MECR: variants seen among roughly 807,000 people sequenced by gnomAD.
MECR encodes the protein enoyl-[acyl-carrier-protein] reductase, mitochondrial.
In MECR, 37 loss-of-function variants were observed where a neutral mutation model predicts 49.1. The observed-to-expected ratio is 0.75, with a 90% confidence interval of 0.58 to 0.99. MECR has a LOEUF of 0.99. Among genes scored for constraint, MECR ranks in the 50% least tolerant of loss-of-function variants. The pLI, the probability that MECR is intolerant of heterozygous loss-of-function variation, is 0.00. For synonymous variants in MECR, 198 were observed against 191.1 expected, an observed-to-expected ratio of 1.04 and a Z score of -0.30; for missense variants, 470 against 479.6, an observed-to-expected ratio of 0.98 and a Z score of 0.19.
chr1:29,213,525 C>T (rs1678559913), intron 3 of MECR, among the ~76,000 whole-genome samples: 2 of 152,242 alleles, frequency 1.3e-5, no homozygotes, highest in South Asian at 4.1e-4. Context: ...TCAGAGCAAC[C>T]GGAGTGGCCC....
At chr1:29,207,025 A>G in intron 3 of MECR, 120 bp from the exon 4 acceptor site, 1 of 1,021,114 alleles carries the variant, frequency 9.8e-7, no homozygotes, top group Non-Finnish European at 1.4e-6. Context: ...GGAAGCATCC[A>G]GGATAGCATC....
chr1:29,168,222 G>A, the MECR span, among the ~76,000 whole-genome samples: 72 of 144,716 alleles, frequency 5.0e-4, no homozygotes, highest in African/African-American at 1.8e-3. Context: ...GGAGAGACAG[G>A]GTTTCACCAT....
intron 1 of MECR, chr1:29,221,019 CAGATA>C (rs1680635904): frequency 2.2e-5 from 13 of 593,144 alleles, no homozygotes; most frequent in Non-Finnish European, 2.8e-5. Flanking sequence ...GTCGAAGTAT[CAGATA>C]CTGTGCCAAG....
chr1:29,200,760 T>C (rs1401081077), intron 6 of MECR, among the ~76,000 whole-genome samples, 171 bp from the exon 7 acceptor site: 3 of 152,158 alleles, frequency 2.0e-5, no homozygotes, highest in African/African-American at 7.2e-5. Context: ...ACTCACCTTT[T>C]TCTCTGCTTA....
chr1:29,216,169 T>C, intron 2 of MECR, 33 bp from the exon 3 acceptor site: 1 of 1,612,140 alleles, frequency 6.2e-7, no homozygotes, highest in Non-Finnish European at 8.5e-7. Context: ...GGTCAACCAG[T>C]GATGTTTGGG....
Position 29,193,774 on chromosome 1 carries a change from C to T in MECR, c.*248G>A, listed in dbSNP as rs1223922395. 1 of 477,062 alleles carries T rather than the reference C, an allele frequency of 2.1e-6. No individual in the cohort carries two copies. The highest frequency in any genetic ancestry group is 2.0e-5 in the African/African-American group (1 of 50,528). The allele number at this position is 477,062 out of a possible 1,614,324, so 29.6% of individuals were successfully genotyped here. ...GGGGCCTCTTGGTGCTGTGAGCTGA[C>T]CAGTGCACAGTGTTGGTCCTTCTCG... On this transcript the variant is annotated 3_prime_UTR_variant, in exon 10 of 10. Coordinates refer to ENST00000263702, the MANE Select transcript of MECR (RefSeq NM_016011.5).
the MECR span, chr1:29,181,822 ACGGCGGCAGCGGCGG>A: frequency 6.0e-6 from 8 of 1,328,646 alleles, no homozygotes; most frequent in Middle Eastern, 2.1e-4. Context: ...AAGCGAGAGC[ACGGCGGCAGCGGCGG>A]CGGCGGCAAC....
chr1:29,189,003 G>A (rs1673074420), downstream of MECR, among the ~76,000 whole-genome samples: 5 of 151,678 alleles, frequency 3.3e-5, no homozygotes, highest in Admixed American at 3.3e-4. Flanking sequence ...GCAATGGTGC[G>A]ACCTCGACTC....
the MECR span, among the ~76,000 whole-genome samples, chr1:29,186,849 T>A: frequency 6.6e-6 from 1 of 152,242 alleles, no homozygotes; most frequent in African/African-American, 2.4e-5. Context: ...GCCTGCTGTG[T>A]GATCTGGAAC....
the MECR span, among the ~76,000 whole-genome samples, chr1:29,168,060 G>C: frequency 1.3e-5 from 2 of 149,552 alleles, no homozygotes; most frequent in African/African-American, 4.9e-5. Context: ...CTGTCGCGCA[G>C]GCTGCAGCGC....
downstream of MECR, among the ~76,000 whole-genome samples, chr1:29,188,347 G>A (rs1290216730): frequency 2.0e-5 from 3 of 150,698 alleles, no homozygotes; most frequent in South Asian, 2.1e-4. Context: ...CTGCCACCAC[G>A]CCCGGCTAAT....
At chr1:29,196,284 GT>G in intron 7 of MECR, 26 bp from the exon 8 acceptor site, 1 of 1,597,336 alleles carries the variant, frequency 6.3e-7, no homozygotes. Context: ...AGAACAAAGA[GT>G]GGATGCAAGG....
At chr1:29,174,254 G>A in the MECR span, among the ~76,000 whole-genome samples, 4 of 151,718 alleles carry the variant, frequency 2.6e-5, no homozygotes, top group South Asian at 2.1e-4. Context: ...AGGTGGAAAC[G>A]TAAATATTAA....
intron 1 of MECR, among the ~76,000 whole-genome samples, chr1:29,220,525 C>G (rs2151906884): frequency 6.6e-6 from 1 of 152,320 alleles, no homozygotes; most frequent in African/African-American, 2.4e-5. Context: ...GCAAGATGGG[C>G]TCAAATAAAG....
chr1:29,212,332 T>C (rs1678218871), intron 3 of MECR, among the ~76,000 whole-genome samples: 1 of 152,124 alleles, frequency 6.6e-6, no homozygotes, highest in African/African-American at 2.4e-5. Flanking sequence ...GGCAGGAGAA[T>C]TGCTTGAACC....
chr1:29,217,164 T>A (rs1574452438), intron 1 of MECR, among the ~76,000 whole-genome samples: 7 of 118,964 alleles, frequency 5.9e-5, no homozygotes, highest in South Asian at 2.8e-4. Context: ...GAAATCAACA[T>A]AGGATAGAGG....
downstream of MECR, among the ~76,000 whole-genome samples, chr1:29,190,893 G>C (rs533133027): frequency 6.6e-6 from 1 of 152,144 alleles, no homozygotes; most frequent in Non-Finnish European, 1.5e-5. Flanking sequence ...AGCTGCAAGG[G>C]ATGCAGAGAA....
At chr1:29,188,094 T>C (rs1673064783), downstream of MECR, among the ~76,000 whole-genome samples, 8 of 150,594 alleles carry the variant, frequency 5.3e-5, no homozygotes, top group South Asian at 1.7e-3. Flanking sequence ...TTTGTATTTT[T>C]AGTAGAGATG....
At chr1:29,175,759 A>G in the MECR span, among the ~76,000 whole-genome samples, 12 of 151,042 alleles carry the variant, frequency 7.9e-5, no homozygotes, top group Admixed American at 3.3e-4. Flanking sequence ...TTGAAAATTA[A>G]GAGTGGGTCT....
Sources: gnomAD v4.1 joint callset for allele counts (sites outside exome capture counted in the v4.1 genomes callset) on GRCh38, gnomAD v4.1.1 for gene constraint, MANE v1.5 for transcripts, NCBI Gene and HGNC (gene_info 2026-07-23, HGNC 2026-07-21) for gene names.